The following TGM2 variants were observed in gnomAD, a reference collection of about 807,000 sequenced individuals.
TGM2 encodes the protein transglutaminase 2.
In TGM2, 53 loss-of-function variants were observed where a neutral mutation model predicts 75.6. That is an observed-to-expected ratio of 0.70 (90% CI 0.56 to 0.88). TGM2 has a LOEUF of 0.88. TGM2 is among the 40% of genes least tolerant of loss of function. The pLI is 0.00. For missense variants in TGM2, 842 were observed against 928.5 expected (o/e 0.91, Z 1.21); for synonymous variants, 374 against 381.1 (o/e 0.98, Z 0.22).
upstream of TGM2, chr20:38,165,337 G>C (rs2075300666): frequency 3.0e-6 from 4 of 1,316,844 alleles, no homozygotes; most frequent in East Asian, 9.8e-5. Flanking sequence ...GGCCCCGCGG[G>C]AAGGCGGCGA....
intron 2 of TGM2, among the ~76,000 whole-genome samples, chr20:38,160,426 T>TG (rs1285371210): frequency 1.3e-5 from 2 of 152,198 alleles, no homozygotes; most frequent in Non-Finnish European, 2.9e-5. Context: ...TACCTATCCC[T>TG]GGGGCCCCAG....
chr20:38,140,160 G>A (rs1199133602), intron 8 of TGM2, among the ~76,000 whole-genome samples: 2 of 152,246 alleles, frequency 1.3e-5, no homozygotes, highest in African/African-American at 2.4e-5. Context: ...GCCCCAGGGC[G>A]TGTGTGTTCT....
At chr20:38,166,227 GCCATCCATCTAC>G (rs1223853763), upstream of TGM2, among the ~76,000 whole-genome samples, 2 of 149,390 alleles carry the variant, frequency 1.3e-5, no homozygotes, top group Non-Finnish European at 3.0e-5. Flanking sequence ...CATCTAATCA[GCCATCCATCTAC>G]CCATCCATCC....
At chr20:38,145,762 C>CTTTTTT (rs571755397) in intron 6 of TGM2, 9 of 94,666 alleles carry the variant, frequency 9.5e-5, no homozygotes, top group Admixed American at 1.3e-4. Flanking sequence ...TGCTCTCTCT[C>CTTTTTT]TTTTTTTTTT....
intron 6 of TGM2, 73 bp from the exon 7 acceptor site, chr20:38,142,272 T>C: frequency 6.2e-7 from 1 of 1,602,808 alleles, no homozygotes; most frequent in Non-Finnish European, 8.5e-7. Context: ...CACCTGCCCA[T>C]CTGCATTCCA....
Position 38,149,539 on chromosome 20 carries a change from T to C in TGM2, c.552+1400A>G, listed in dbSNP as rs45491992. Among the ~76,000 whole-genome samples, 1,162 of 151,032 alleles carry C rather than the reference T, an allele frequency of 7.7e-3. 12 individuals are homozygous for C. The highest frequency in any genetic ancestry group is 0.027 in the African/African-American group (1,096 of 41,128). On this transcript the variant is annotated intron_variant, in intron 4 of 12. Coordinates refer to ENST00000361475, the MANE Select transcript of TGM2 (RefSeq NM_004613.4). ...AAAAAAATACAAAAAATTAGCCGGG[T>C]GTGGTGGTGGGCGTCTGTAGTCCCA...
At chr20:38,141,076 C>T (rs975967894) in intron 8 of TGM2, among the ~76,000 whole-genome samples, 2 of 152,160 alleles carry the variant, frequency 1.3e-5, no homozygotes, top group Non-Finnish European at 2.9e-5. Flanking sequence ...CTCTGTATTT[C>T]CTGCTTTCCG....
chr20:38,134,657 C>T (rs912683647), intron 10 of TGM2, among the ~76,000 whole-genome samples: 2 of 152,148 alleles, frequency 1.3e-5, no homozygotes, highest in Non-Finnish European at 2.9e-5. Flanking sequence ...ACCGAGGCCA[C>T]ATTGGCTGCA....
At position 38,129,824 on chromosome 20, in the gene TGM2, C is replaced by A; in HGVS notation, c.*395G>T. ...AGTCTAGGGAGCTGGATTCCCTGAT[C>A]CAGCCAAGGGGCATGCTGTCCCTTT... is the stretch of plus-strand genomic sequence containing the variant. On this transcript the variant is annotated 3_prime_UTR_variant, in exon 13 of 13. Coordinates refer to ENST00000361475, the MANE Select transcript of TGM2 (RefSeq NM_004613.4). 4.4e-6 allele frequency: 1 copy of A among 227,740 alleles called. No individual in the cohort carries two copies. Among genetic ancestry groups the A allele is most frequent in the Non-Finnish European group, 8.9e-6 (1 of 112,668 alleles). 14.1% of individuals were successfully genotyped at this position (227,740 alleles called of 1,614,324 possible). A position where few individuals can be genotyped will look rare whatever the true frequency, so the allele number is the denominator to read the frequency against.
At position 38,131,172 on chromosome 20, in the gene TGM2, G is replaced by T. The variant is rs199563008; in HGVS notation, c.1834C>A (p.Pro612Thr). 140 of 1,613,916 alleles carry T rather than the reference G, an allele frequency of 8.7e-5. 4 individuals carry two copies. In the South Asian group the frequency reaches 1.2e-3, roughly 14 times the overall value. ...KLVAEVSLQNPLPVALEGCTF... is the reference protein window; with the variant it reads ...KLVAEVSLQNTLPVALEGCTF... ...CAGCCTTCCAGGGCCACAGGGAGCG[G>T]GTTCTGCAGGGACACCTCAGCCACC... The change falls in exon 12 of 13, where the codon CCG (proline) becomes ACG (threonine). Residue 612 changes from proline (P) to threonine (T), a missense_variant. Pro to Thr is a conservative substitution (Grantham distance 38, BLOSUM62 -1). Coordinates refer to ENST00000361475, the MANE Select transcript of TGM2 (RefSeq NM_004613.4).
At chr20:38,153,054 G>A (rs2075133444) in intron 3 of TGM2, among the ~76,000 whole-genome samples, 1 of 151,248 alleles carries the variant, frequency 6.6e-6, no homozygotes, top group African/African-American at 2.4e-5. Context: ...GGGGGATCCA[G>A]TAAGGCCACT....
chr20:38,162,329 A>T (rs1307191705), intron 1 of TGM2, among the ~76,000 whole-genome samples: 5 of 152,250 alleles, frequency 3.3e-5, no homozygotes, highest in Non-Finnish European at 7.3e-5. Context: ...CTTTTGGTTT[A>T]AGCAGGGGCA....
At chr20:38,132,736 T>C (rs1237771097) in intron 10 of TGM2, 2 of 638,914 alleles carry the variant, frequency 3.1e-6, no homozygotes, top group Non-Finnish European at 5.8e-6. Context: ...GCCTTGGTTC[T>C]AATCCTGCCT....
At chr20:38,141,642 C>T (rs1437860614) in intron 7 of TGM2, among the ~76,000 whole-genome samples, 1 of 152,028 alleles carries the variant, frequency 6.6e-6, no homozygotes, top group Non-Finnish European at 1.5e-5. Context: ...TCAGTGGCCC[C>T]TTTGACCTCC....
chr20:38,141,436 C>T (rs781511243), intron 7 of TGM2, 51 bp from the exon 8 acceptor site: 9 of 1,358,086 alleles, frequency 6.6e-6, no homozygotes, highest in African/African-American at 5.8e-5. Context: ...CAACATTCAT[C>T]GCCACCTCCC....
chr20:38,137,913 A>G (rs1333094097), intron 10 of TGM2, 200 bp downstream of exon 10: 2 of 1,266,696 alleles, frequency 1.6e-6, no homozygotes, highest in Non-Finnish European at 1.1e-6. Context: ...AAACGGAGCC[A>G]TGTTAGAATC....
intron 2 of TGM2, among the ~76,000 whole-genome samples, chr20:38,160,671 G>T (rs915348647): frequency 2.6e-5 from 4 of 152,118 alleles, no homozygotes; most frequent in African/African-American, 9.7e-5. Context: ...TGAACTGCTG[G>T]GACCCAGAAC....
At chr20:38,165,432 CG>C (rs893482858), upstream of TGM2, 18 of 600,762 alleles carry the variant, frequency 3.0e-5, no homozygotes, top group African/African-American at 3.5e-4. Flanking sequence ...GAGGGAGGGA[CG>C]GCGGCCGGAC....
chr20:38,144,154 C>T (rs1262954661), intron 6 of TGM2, among the ~76,000 whole-genome samples: 4 of 152,162 alleles, frequency 2.6e-5, no homozygotes, highest in South Asian at 2.1e-4. Context: ...GGTGGTGTCC[C>T]GGGAGGCCTC....
Sources: allele counts gnomAD v4.1 joint callset (sites outside exome capture counted in the v4.1 genomes callset), GRCh38; gene constraint gnomAD v4.1.1; transcripts MANE v1.5; gene names NCBI Gene and HGNC (gene_info 2026-07-23, HGNC 2026-07-21).